The following GRM8 variants were observed in gnomAD, a reference collection of about 807,000 sequenced individuals.
GRM8 encodes the protein glutamate metabotropic receptor 8.
In GRM8, 47 loss-of-function variants were observed where a neutral mutation model predicts 87.2. The ratio of observed to expected loss-of-function variants is 0.54; its 90% CI spans 0.43 to 0.69. GRM8 has a LOEUF of 0.69. GRM8 is among the 30% of genes least tolerant of loss of function. GRM8 has a pLI of 0.00. For synonymous variants in GRM8, 396 were observed against 404.5 expected (o/e 0.98, Z 0.25); for missense variants, 1,019 against 1,139.2 (o/e 0.89, Z 1.52).
At chr7:126,518,343 A>C (rs1812476699) in intron 9 of GRM8, among the ~76,000 whole-genome samples, 1 of 152,118 alleles carries the variant, frequency 6.6e-6, no homozygotes, top group Non-Finnish European at 1.5e-5. Flanking sequence ...AATGATGAGT[A>C]GAATGTGCCA....
At chr7:126,948,143 GA>G (rs1807746796) in intron 3 of GRM8, among the ~76,000 whole-genome samples, 1 of 152,072 alleles carries the variant, frequency 6.6e-6, no homozygotes, top group Non-Finnish European at 1.5e-5. Flanking sequence ...CAGCTCGGTG[GA>G]AGTAAAAAAT....
At chr7:126,838,264 T>G (rs1287368417) in intron 6 of GRM8, among the ~76,000 whole-genome samples, 1 of 152,010 alleles carries the variant, frequency 6.6e-6, no homozygotes, top group Non-Finnish European at 1.5e-5. Context: ...AAAAAAAGAC[T>G]CAAGAAAAAA....
At chr7:126,939,681 T>A (rs546926049) in intron 3 of GRM8, among the ~76,000 whole-genome samples, 1 of 152,346 alleles carries the variant, frequency 6.6e-6, no homozygotes, top group East Asian at 1.9e-4. Flanking sequence ...ATCATACTGA[T>A]GGCCCATACT....
chr7:126,763,927 C>G (rs944344201), intron 7 of GRM8, among the ~76,000 whole-genome samples: 2 of 151,836 alleles, frequency 1.3e-5, no homozygotes, highest in Non-Finnish European at 2.9e-5. Flanking sequence ...TTGTATGTCT[C>G]TCAGTAAAGT....
intron 7 of GRM8, among the ~76,000 whole-genome samples, chr7:126,610,516 G>A (rs1044867742): frequency 6.6e-6 from 1 of 151,928 alleles, no homozygotes; most frequent in African/African-American, 2.4e-5. Context: ...TCCCCTTCTT[G>A]TTATCTCTGT....
At chr7:126,457,209 A>C (rs1803358435) in intron 9 of GRM8, among the ~76,000 whole-genome samples, 1 of 151,568 alleles carries the variant, frequency 6.6e-6, no homozygotes, top group Admixed American at 6.6e-5. Context: ...ATCAGTAAAA[A>C]AAATATCCAC....
intron 7 of GRM8, among the ~76,000 whole-genome samples, chr7:126,651,821 C>T (rs1314600572): frequency 2.0e-5 from 3 of 151,816 alleles, no homozygotes; most frequent in Non-Finnish European, 4.4e-5. Context: ...TCAATTGCGG[C>T]GTCTCTTAGT....
chr7:126,509,606 G>A (rs965905073), intron 9 of GRM8, among the ~76,000 whole-genome samples: 1 of 151,948 alleles, frequency 6.6e-6, no homozygotes, highest in South Asian at 2.1e-4. Context: ...CAATGCCCCA[G>A]TATCCCTTTG....
chr7:126,450,918 A>G (rs1460777688), intron 9 of GRM8, among the ~76,000 whole-genome samples: 2 of 151,882 alleles, frequency 1.3e-5, no homozygotes, highest in Non-Finnish European at 2.9e-5. Context: ...TGATCATATT[A>G]GAATTACACC....
intron 6 of GRM8, among the ~76,000 whole-genome samples, chr7:126,792,869 T>G (rs1256984301): frequency 1.3e-5 from 2 of 152,172 alleles, no homozygotes; most frequent in Non-Finnish European, 2.9e-5. Context: ...CATTTCTTCT[T>G]TGGCTCCTTC....
chr7:126,790,220 C>A (rs1262192195), intron 6 of GRM8, among the ~76,000 whole-genome samples: 4 of 152,140 alleles, frequency 2.6e-5, no homozygotes, highest in African/African-American at 9.7e-5. Flanking sequence ...GTTGCCCAGG[C>A]TGGTCTCAAA....
chr7:126,544,699 G>A (rs1219247610), intron 8 of GRM8, among the ~76,000 whole-genome samples: 4 of 151,856 alleles, frequency 2.6e-5, no homozygotes, highest in Admixed American at 1.3e-4. Flanking sequence ...TAGTAGAGAC[G>A]GGGTTTCACC....
At chr7:126,845,513 A>G (rs1035586912) in intron 6 of GRM8, among the ~76,000 whole-genome samples, 4 of 152,190 alleles carry the variant, frequency 2.6e-5, no homozygotes, top group African/African-American at 9.6e-5. Context: ...CACAGAAATG[A>G]ATCATTCATT....
intron 7 of GRM8, among the ~76,000 whole-genome samples, chr7:126,632,834 G>A (rs895391318): frequency 1.3e-5 from 2 of 151,996 alleles, no homozygotes; most frequent in East Asian, 1.9e-4. Flanking sequence ...CTGAATGATG[G>A]GCACCTATGG....
chr7:126,833,938 T>A (rs1441820912), intron 6 of GRM8, among the ~76,000 whole-genome samples: 1 of 152,170 alleles, frequency 6.6e-6, no homozygotes, highest in East Asian at 1.9e-4. Context: ...GAAATTCTGA[T>A]GTAAGGGTCC....
At chr7:126,971,779 G>A (rs1390060512) in intron 3 of GRM8, among the ~76,000 whole-genome samples, 1 of 152,132 alleles carries the variant, frequency 6.6e-6, no homozygotes, top group Non-Finnish European at 1.5e-5. Context: ...AGCACAGGCA[G>A]CAATAAGATC....
At chr7:127,220,976 AG>A (rs1796892205) in intron 2 of GRM8, among the ~76,000 whole-genome samples, 1 of 152,068 alleles carries the variant, frequency 6.6e-6, no homozygotes, top group African/African-American at 2.4e-5. Context: ...TCTGGTCCCT[AG>A]CCCCCAAGGT....
At chr7:127,035,490 A>G (rs1028863428) in intron 3 of GRM8, among the ~76,000 whole-genome samples, 5 of 152,122 alleles carry the variant, frequency 3.3e-5, no homozygotes, top group African/African-American at 1.2e-4. Flanking sequence ...AGCCACTTGG[A>G]GCGCCCAGCC....
intron 2 of GRM8, among the ~76,000 whole-genome samples, chr7:127,171,096 G>C (rs1225956759): frequency 6.6e-6 from 1 of 152,184 alleles, no homozygotes; most frequent in East Asian, 1.9e-4. Context: ...GGACAACTTG[G>C]AGAGGTTCAA....
Sources: allele counts gnomAD v4.1 joint callset (sites outside exome capture counted in the v4.1 genomes callset), GRCh38; gene constraint gnomAD v4.1.1; transcripts MANE v1.5; gene names NCBI Gene and HGNC (gene_info 2026-07-23, HGNC 2026-07-21).